The following AMOTL2 variants were observed in gnomAD, a reference collection of about 807,000 sequenced individuals.
AMOTL2 encodes the protein angiomotin-like protein 2.
A neutral mutation model predicts 78.4 loss-of-function variants in AMOTL2; 33 were observed. The observed-to-expected ratio is 0.42, with a 90% CI of 0.32 to 0.56. The LOEUF is 0.56. Among genes scored for constraint, AMOTL2 ranks in the 20% least tolerant of loss-of-function variants. The pLI is 0.12. For synonymous variants in AMOTL2, 422 were observed against 428.8 expected (o/e 0.98, Z 0.20); for missense variants, 983 against 1,030.1 (o/e 0.95, Z 0.63).
At chr3:134,357,846 G>A in intron 9 of AMOTL2, 83 bp from the exon 10 acceptor site, 4 of 1,451,174 alleles carry the variant, frequency 2.8e-6, no homozygotes, top group Non-Finnish European at 3.9e-6. Flanking sequence ...GAAAGACAAA[G>A]ATCGTTCTTC....
intron 1 of AMOTL2, chr3:134,374,078 T>C: frequency 4.0e-6 from 1 of 252,576 alleles, no homozygotes; most frequent in Non-Finnish European, 5.4e-6. Context: ...GTCTCCGGAG[T>C]CGGCCCTCTC....
chr3:134,365,485 C>T (rs2017564252), intron 5 of AMOTL2, among the ~76,000 whole-genome samples: 1 of 152,200 alleles, frequency 6.6e-6, no homozygotes, highest in South Asian at 2.1e-4. Context: ...TCCTTCACCT[C>T]ATCTGTCTTC....
upstream of AMOTL2, chr3:134,375,310 C>T (rs1250214367): frequency 1.4e-6 from 2 of 1,390,498 alleles, no homozygotes; most frequent in Non-Finnish European, 9.9e-7. Context: ...TCCGATTCAG[C>T]CCTGCCAAGC....
At position 134,360,349 on chromosome 3, in the gene AMOTL2, C is replaced by T. The variant is rs766621996; in HGVS notation, c.1640G>A (p.Arg547Gln). The change falls in exon 7 of 10, where the codon CGA becomes CAA. Residue 547 changes from arginine to glutamine, a missense_variant. Transcript: ENST00000249883. Reference protein sequence around the residue: ...SGGSPELSALRLSEQLREKEE... With the variant: ...SGGSPELSALQLSEQLREKEE... ...CTTCTCTCGCAGTTGTTCTGACAGTCGCAGGGCGCTGAGCTCTGGAGACCC... is the reference window on the plus strand; with the variant it reads ...CTTCTCTCGCAGTTGTTCTGACAGTTGCAGGGCGCTGAGCTCTGGAGACCC... The T allele has an allele frequency of 7.6e-5, 123 of 1,614,024 alleles. No individual in the cohort carries two copies. Among genetic ancestry groups the T allele is most frequent in the African/African-American group, 1.1e-4 (8 of 74,936 alleles).
rs926739621 is a variant in AMOTL2, at chr3:134,370,978, A to G, written c.456T>C (p.His152=). Residue 152 remains histidine (H), a synonymous_variant, in exon 2 of 10, where the codon CAT becomes CAC. Coordinates refer to ENST00000249883, the MANE Select transcript of AMOTL2 (RefSeq NM_016201.4). ...GTTCACTCAACGAGCGCACGTGCCC[A>G]TGCCTCAGCTCCCGCAGGGCCTCGT... The part of the protein sequence containing the change: ...RQDEALRELR[H]GHVRSLSERL... The G allele has an allele frequency of 9.3e-6, 15 of 1,606,660 alleles. No individual in the cohort carries two copies. The highest frequency in any genetic ancestry group is 1.3e-5 in the Non-Finnish European group (15 of 1,176,620).
At chr3:134,374,604 G>A (rs1189724179), upstream of AMOTL2, 3 of 985,106 alleles carry the variant, frequency 3.0e-6, no homozygotes, top group Non-Finnish European at 2.4e-6. Context: ...GCCTTCTCCC[G>A]CTCCCTCCTC....
At chr3:134,374,309 G>A (rs1576591826) in intron 1 of AMOTL2, 33 bp downstream of exon 1, 1 of 985,308 alleles carries the variant, frequency 1.0e-6, no homozygotes, top group African/African-American at 1.7e-5. Flanking sequence ...GTGGCCTCGC[G>A]CGCTCTCCCG....
Position 134,360,106 on chromosome 3 carries a change from C to G in AMOTL2, c.1883G>C (p.Arg628Thr). Residue 628 changes from arginine (R) to threonine (T), a missense_variant and splice_region_variant, in exon 7 of 10, where the codon AGG (arginine) becomes ACG (threonine). Physicochemically the swap from Arg to Thr is moderately conservative, Grantham distance 71. Coordinates refer to ENST00000249883, the MANE Select transcript of AMOTL2 (RefSeq NM_016201.4). ...AGGTGCCTGGCCTGCAATGCCGAAC[C>G]TGCTTTCCATCTCCTGATGCCTGTG... ...GGHRHQEMES[R>T]LKVLHAQILE... 1 of 1,601,746 alleles carries G rather than the reference C, an allele frequency of 6.2e-7. No homozygotes were observed. Among genetic ancestry groups the G allele is most frequent in the Non-Finnish European group, 8.5e-7 (1 of 1,169,878 alleles).
chr3:134,367,651 G>T lies in AMOTL2; in HGVS notation c.887C>A (p.Pro296Gln), dbSNP rs1471346843. ...SSLSPPAVEG[P>Q]VSAQASSATS... ...GGCTGAGGAGGCCTGGGCACTCACT[G>T]GCCCCTCCACAGCAGGTGGACTGAG... The change falls in exon 3 of 10, where the codon CCA becomes CAA. Residue 296 changes from proline to glutamine, a missense_variant. By Grantham distance (76) the Pro-to-Gln change is moderately conservative (BLOSUM62 -1). Coordinates refer to ENST00000249883, the MANE Select transcript of AMOTL2 (RefSeq NM_016201.4). The T allele has an allele frequency of 6.2e-7, 1 of 1,613,282 alleles. No homozygotes were observed. Among genetic ancestry groups the T allele is most frequent in the Non-Finnish European group, 8.5e-7 (1 of 1,180,036 alleles).
chr3:134,361,518 T>A lies in AMOTL2; in HGVS notation c.1569A>T (p.Ala523=). The A allele has an allele frequency of 1.2e-6, 2 of 1,608,528 alleles. No individual in the cohort carries two copies. Among genetic ancestry groups the A allele is most frequent in the Non-Finnish European group, 1.7e-6 (2 of 1,177,118 alleles). Residue 523 remains alanine (A), a synonymous_variant, in exon 6 of 10, where the codon GCA becomes GCT. Transcript: ENST00000249883. ...RLEQELKALR[A]QQRQAGAPGG... ...GGAGACTTTCTCAGCTCACCTGCTG[T>A]GCACGCAGGGCCTTGAGTTCCTGCT...
Position 134,367,647 on chromosome 3 carries a change from C to A in AMOTL2, c.891G>T (p.Val297=). 6.2e-7 allele frequency: 1 copy of A among 1,613,414 alleles called. No individual in the cohort carries two copies. The highest frequency in any genetic ancestry group is 8.5e-7 in the Non-Finnish European group (1 of 1,180,046). ...SLSPPAVEGP[V]SAQASSATSG... ...AGGTGGCTGAGGAGGCCTGGGCACT[C>A]ACTGGCCCCTCCACAGCAGGTGGAC... is the stretch of plus-strand genomic sequence containing the variant. The change falls in exon 3 of 10, where the codon GTG becomes GTT. Residue 297 remains valine, a synonymous_variant. Transcript: ENST00000249883.
upstream of AMOTL2, chr3:134,374,517 T>C (rs2018015258): frequency 4.1e-6 from 4 of 985,426 alleles, no homozygotes; most frequent in Admixed American, 2.5e-4. Flanking sequence ...GCCAGGAATG[T>C]GAGAGTTTCA....
intron 2 of AMOTL2, among the ~76,000 whole-genome samples, chr3:134,369,538 T>G (rs889806764): frequency 2.6e-5 from 4 of 152,146 alleles, no homozygotes; most frequent in Non-Finnish European, 5.9e-5. Flanking sequence ...GACCGAGCCC[T>G]GAGAGGGGCG....
intron 1 of AMOTL2, chr3:134,373,866 G>T (rs757853905): frequency 1.0e-6 from 1 of 974,660 alleles, no homozygotes; most frequent in East Asian, 1.1e-4. Flanking sequence ...CTAAGTGAGG[G>T]CCAATTCGTG....
intron 8 of AMOTL2, among the ~76,000 whole-genome samples, 161 bp downstream of exon 8, chr3:134,359,122 T>A (rs2017217192): frequency 6.6e-6 from 1 of 152,152 alleles, no homozygotes; most frequent in African/African-American, 2.4e-5. Context: ...AGCCTTGCGC[T>A]GTAGAGTCAC....
upstream of AMOTL2, chr3:134,374,928 C>CGTGTGTGTGT (rs71624045): frequency 4.5e-5 from 45 of 990,644 alleles, no homozygotes; most frequent in Non-Finnish European, 5.3e-5. Context: ...TGTGTGTGTG[C>CGTGTGTGTGT]GTGTGTGTGT....
At chr3:134,359,177 G>A in intron 8 of AMOTL2, 106 bp downstream of exon 8, 2 of 1,265,832 alleles carry the variant, frequency 1.6e-6, no homozygotes, top group East Asian at 4.7e-5. Flanking sequence ...GGGTCAGGAA[G>A]CCCTGGCTCC....
rs1559800501 is a variant in AMOTL2 at position 134,366,435 on chromosome 3, A to C, written c.1042-8T>G. On this transcript the variant is annotated splice_polypyrimidine_tract_variant and splice_region_variant and intron_variant, in intron 3 of 9. Coordinates refer to ENST00000249883, the MANE Select transcript of AMOTL2 (RefSeq NM_016201.4). ...CTGGATTTCGCTTTCCAGCTGCAAGAGTCAGACAGCAGAGCTGAATGAAGG... is the reference window on the plus strand; with the variant it reads ...CTGGATTTCGCTTTCCAGCTGCAAGCGTCAGACAGCAGAGCTGAATGAAGG... 2 of 1,611,436 alleles carry C rather than the reference A, an allele frequency of 1.2e-6. No individual in the cohort carries two copies. Among genetic ancestry groups the C allele is most frequent in the Admixed American group, 3.3e-5 (2 of 59,812 alleles).
intron 6 of AMOTL2, among the ~76,000 whole-genome samples, chr3:134,361,035 G>T (rs936343445): frequency 6.6e-6 from 1 of 152,170 alleles, no homozygotes; most frequent in Non-Finnish European, 1.5e-5. Flanking sequence ...TTAGCTGGGC[G>T]TGGTGGCGCA....
Sources: allele counts gnomAD v4.1 joint callset (sites outside exome capture counted in the v4.1 genomes callset), GRCh38; gene constraint gnomAD v4.1.1; transcripts MANE v1.5; gene names NCBI Gene and HGNC (gene_info 2026-07-23, HGNC 2026-07-21).